THEMIS: variants seen among roughly 807,000 people sequenced by gnomAD.
The protein encoded by THEMIS is thymocyte selection associated, also known as protein THEMIS.
A neutral mutation model predicts 52.6 loss-of-function variants in THEMIS; 37 were observed. That is an observed-to-expected ratio of 0.70 (90% CI 0.54 to 0.93). The LOEUF (loss-of-function observed/expected upper bound fraction) is 0.93. Among genes scored for constraint, THEMIS ranks in the 40% least tolerant of loss-of-function variants. THEMIS has a pLI of 0.00. For missense variants in THEMIS, 808 were observed against 763.1 expected, an observed-to-expected ratio of 1.06 and a Z score of -0.69; for synonymous variants, 292 against 272.7, an observed-to-expected ratio of 1.07 and a Z score of -0.70.
chr6:127,794,952 T>C (rs541284869), intron 4 of THEMIS, among the ~76,000 whole-genome samples: 1 of 152,304 alleles, frequency 6.6e-6, no homozygotes, highest in Admixed American at 6.5e-5. Context: ...AAAAACAGTA[T>C]GTAAAATATA....
intron 3 of THEMIS, among the ~76,000 whole-genome samples, chr6:127,829,133 T>C (rs1188700743): frequency 6.6e-6 from 1 of 152,180 alleles, no homozygotes; most frequent in Non-Finnish European, 1.5e-5. Context: ...GAAAGCCTCA[T>C]TCTAACTAAA....
At chr6:127,759,828 TTCCCTCCCTCCC>T (rs529282770) in intron 4 of THEMIS, among the ~76,000 whole-genome samples, 13 of 116,156 alleles carry the variant, frequency 1.1e-4, no homozygotes, top group African/African-American at 3.8e-4. Context: ...CCTTCCCTCC[TTCCCTCCCTCCC>T]TCCCTCCCTC....
intron 4 of THEMIS, among the ~76,000 whole-genome samples, chr6:127,787,872 TAG>T (rs1413611207): frequency 0.014 from 1,767 of 123,580 alleles, 15 homozygotes; most frequent in East Asian, 0.08. Context: ...GATAGATAGA[TAG>T]ATAGATATAG....
chr6:127,842,319 A>G (rs1779076774), intron 2 of THEMIS, among the ~76,000 whole-genome samples: 1 of 152,048 alleles, frequency 6.6e-6, no homozygotes, highest in Non-Finnish European at 1.5e-5. Flanking sequence ...TAATTCTCCA[A>G]ATGAAACAAT....
chr6:127,772,213 A>T (rs555700077), intron 4 of THEMIS, among the ~76,000 whole-genome samples: 1 of 152,118 alleles, frequency 6.6e-6, no homozygotes, highest in Admixed American at 6.5e-5. Context: ...TTTTTTAATA[A>T]GACAGATAAT....
intron 4 of THEMIS, among the ~76,000 whole-genome samples, chr6:127,801,898 T>C (rs1448142427): frequency 3.3e-5 from 5 of 152,078 alleles, no homozygotes; most frequent in Admixed American, 2.0e-4. Flanking sequence ...AGTTCTCTAA[T>C]TTATATAAAG....
At chr6:127,756,016 G>A (rs905423216) in intron 4 of THEMIS, among the ~76,000 whole-genome samples, 1 of 150,846 alleles carries the variant, frequency 6.6e-6, no homozygotes, top group Non-Finnish European at 1.5e-5. Flanking sequence ...CACAGAGTGA[G>A]ACTCCATCTC....
chr6:127,723,414 T>C (rs1281935074), intron 4 of THEMIS, among the ~76,000 whole-genome samples: 2 of 152,056 alleles, frequency 1.3e-5, no homozygotes, highest in Non-Finnish European at 2.9e-5. Flanking sequence ...TATCCTTCTT[T>C]ACCCAAACAT....
chr6:127,888,271 T>C (rs1470401453), intron 1 of THEMIS, among the ~76,000 whole-genome samples: 3 of 151,764 alleles, frequency 2.0e-5, no homozygotes, highest in Non-Finnish European at 4.4e-5. Context: ...TGAGAAAAAA[T>C]GGAGGGTTTT....
chr6:127,733,779 C>T (rs1214408441), intron 4 of THEMIS, among the ~76,000 whole-genome samples: 1 of 151,972 alleles, frequency 6.6e-6, no homozygotes, highest in East Asian at 1.9e-4. Context: ...GGGAGGAAGA[C>T]CGCTCACAGA....
At chr6:127,851,045 A>G (rs1779405739) in intron 2 of THEMIS, among the ~76,000 whole-genome samples, 1 of 151,716 alleles carries the variant, frequency 6.6e-6, no homozygotes. Flanking sequence ...ATATCTTACC[A>G]AATAGATAAC....
rs184868060 is a variant in THEMIS at position 127,769,598 on chromosome 6, C to A, written c.1758+43285G>T. Among the ~76,000 whole-genome samples the A allele has an allele frequency of 1.4e-4, 22 of 152,156 alleles. No individual in the cohort carries two copies. The East Asian group carries it at 3.9e-3, about 27-fold the overall frequency. On this transcript the variant is annotated intron_variant, in intron 4 of 5. Transcript: ENST00000368248. ...AAAGTTTTATTTCTGCTCCATTAGA[C>A]AAAGGCCCTTAAAAATTACCTTTAT...
chr6:127,856,939 CTTAA>C (rs1779637962), intron 1 of THEMIS, among the ~76,000 whole-genome samples: 1 of 151,888 alleles, frequency 6.6e-6, no homozygotes, highest in South Asian at 2.1e-4. Context: ...TCACCCTATA[CTTAA>C]TTTTTTATGA....
At chr6:127,884,095 T>A (rs920650037) in intron 1 of THEMIS, among the ~76,000 whole-genome samples, 6 of 152,130 alleles carry the variant, frequency 3.9e-5, no homozygotes, top group African/African-American at 1.4e-4. Context: ...AATCTGGTGC[T>A]CTATGCCATT....
In THEMIS at chr6:127,787,882, T is replaced by C. The variant is rs867812228; in HGVS notation, c.1758+25001A>G. On this transcript the variant is annotated intron_variant, in intron 4 of 5. Transcript: ENST00000368248. ...AGATAGATAGATAGATAGATAGATA[T>C]AGATAGATAGATAGATAGATAGATA... is the stretch of plus-strand genomic sequence containing the variant. Among the ~76,000 whole-genome samples, 15 of 130,888 alleles carry C rather than the reference T, an allele frequency of 1.1e-4. 1 individual carries two copies. The South Asian group carries it at 3.4e-3, about 30-fold the overall frequency. The allele number at this position is 130,888 out of a possible 152,430, so 85.9% of individuals were successfully genotyped here.
chr6:127,854,941 AC>A (rs1327815127), intron 2 of THEMIS, 88 bp downstream of exon 2: 2 of 1,178,246 alleles, frequency 1.7e-6, no homozygotes, highest in African/African-American at 3.2e-5. Context: ...TGAAAAACAG[AC>A]CATTTTTTTC....
intron 1 of THEMIS, among the ~76,000 whole-genome samples, chr6:127,890,848 T>C (rs936159801): frequency 3.9e-5 from 6 of 152,118 alleles, no homozygotes; most frequent in African/African-American, 1.4e-4. Context: ...ATTTTATTAT[T>C]ATGTATGCTT....
At chr6:127,860,377 C>T (rs1779755854) in intron 1 of THEMIS, among the ~76,000 whole-genome samples, 1 of 152,058 alleles carries the variant, frequency 6.6e-6, no homozygotes, top group South Asian at 2.1e-4. Flanking sequence ...ATGATCTTTC[C>T]AGGCCATAGA....
chr6:127,914,001 G>T (rs936695278), intron 1 of THEMIS, among the ~76,000 whole-genome samples: 12 of 152,070 alleles, frequency 7.9e-5, no homozygotes, highest in African/African-American at 1.2e-4. Context: ...TAAGATTTTG[G>T]AATATTTCCA....
Sources: gnomAD v4.1 joint callset for allele counts (sites outside exome capture counted in the v4.1 genomes callset) on GRCh38, gnomAD v4.1.1 for gene constraint, MANE v1.5 for transcripts, NCBI Gene and HGNC (gene_info 2026-07-23, HGNC 2026-07-21) for gene names.